IPMK: variants seen among roughly 807,000 people sequenced by gnomAD.
IPMK encodes inositol 1,3,4,6-tetrakisphosphate 5-kinase.
A neutral mutation model predicts 45.8 loss-of-function variants in IPMK; 17 were observed. The ratio of observed to expected loss-of-function variants is 0.37; its 90% confidence interval spans 0.25 to 0.56. IPMK has a LOEUF of 0.56. Among genes scored for constraint, IPMK ranks in the 20% least tolerant of loss-of-function variants. The pLI, the probability that IPMK is intolerant of heterozygous loss-of-function variation, is 0.79. For synonymous variants in IPMK, 180 were observed against 184.3 expected, an observed-to-expected ratio of 0.98 and a Z score of 0.19; for missense variants, 399 against 498.0, an observed-to-expected ratio of 0.80 and a Z score of 1.89.
chr10:58,260,109 G>A (rs926990855), intron 1 of IPMK, among the ~76,000 whole-genome samples: 2 of 152,090 alleles, frequency 1.3e-5, no homozygotes, highest in South Asian at 2.1e-4. Flanking sequence ...TATGTCTTAT[G>A]ATATGCTTTG....
intron 5 of IPMK, among the ~76,000 whole-genome samples, chr10:58,197,114 C>T (rs1837907470): frequency 6.6e-6 from 1 of 150,726 alleles, no homozygotes; most frequent in Non-Finnish European, 1.5e-5. Flanking sequence ...TCCTGGCTAA[C>T]ACAGTGAAAC....
At chr10:58,208,985 C>A (rs988475703) in intron 4 of IPMK, among the ~76,000 whole-genome samples, 1 of 152,116 alleles carries the variant, frequency 6.6e-6, no homozygotes, top group African/African-American at 2.4e-5. Context: ...ACCAAGTCAG[C>A]GGGAAAACTA....
intron 1 of IPMK, among the ~76,000 whole-genome samples, chr10:58,250,409 T>C (rs915348955): frequency 1.4e-5 from 2 of 138,678 alleles, no homozygotes; most frequent in African/African-American, 6.3e-5. Context: ...AATTTTTTCC[T>C]AGGGTTTTTG....
intron 1 of IPMK, among the ~76,000 whole-genome samples, chr10:58,242,301 C>A (rs1481894838): frequency 6.6e-6 from 1 of 151,596 alleles, no homozygotes; most frequent in Non-Finnish European, 1.5e-5. Flanking sequence ...ACTAAAAATA[C>A]ATAAAAAAAT....
At chr10:58,263,525 A>G (rs1462393719) in intron 1 of IPMK, among the ~76,000 whole-genome samples, 2 of 151,792 alleles carry the variant, frequency 1.3e-5, no homozygotes, top group Non-Finnish European at 2.9e-5. Flanking sequence ...CTCCGTTAAA[A>G]AAAAAAAAAA....
chr10:58,211,457 T>G (rs1588954550), intron 4 of IPMK, among the ~76,000 whole-genome samples: 1 of 152,030 alleles, frequency 6.6e-6, no homozygotes, highest in Admixed American at 6.6e-5. Flanking sequence ...CCTTGCAAAG[T>G]GCTGGGATTA....
chr10:58,263,284 C>T (rs1588975324), intron 1 of IPMK, among the ~76,000 whole-genome samples: 1 of 151,780 alleles, frequency 6.6e-6, no homozygotes, highest in South Asian at 2.1e-4. Context: ...AGCACTTTGG[C>T]AGGCAGAGGT....
chr10:58,218,353 T>C (rs1838280409), intron 3 of IPMK, among the ~76,000 whole-genome samples: 1 of 152,190 alleles, frequency 6.6e-6, no homozygotes, highest in African/African-American at 2.4e-5. Flanking sequence ...GTCTAAAAGA[T>C]AACCATGGAT....
At chr10:58,224,442 T>A (rs1167064764) in intron 3 of IPMK, among the ~76,000 whole-genome samples, 1 of 152,220 alleles carries the variant, frequency 6.6e-6, no homozygotes, top group Non-Finnish European at 1.5e-5. Context: ...TGTTATATTT[T>A]TAAAATTCCA....
At chr10:58,217,402 G>A (rs190404666) in intron 3 of IPMK, among the ~76,000 whole-genome samples, 2 of 151,592 alleles carry the variant, frequency 1.3e-5, no homozygotes, top group East Asian at 1.9e-4. Context: ...TTAAAGAACC[G>A]TCTCGGCCAG....
At chr10:58,210,153 C>A (rs1201710081) in intron 4 of IPMK, among the ~76,000 whole-genome samples, 4 of 152,048 alleles carry the variant, frequency 2.6e-5, no homozygotes, top group African/African-American at 9.7e-5. Context: ...GGATTATATT[C>A]CAGAGGAACG....
Position 58,199,261 on chromosome 10 carries a change from T to C in IPMK, c.607A>G (p.Thr203Ala), listed in dbSNP as rs201440706. ...TENQHYGRSL[T>A]KETIKDGVSR... The stretch of plus-strand genomic sequence containing the variant: ...TTACCATCCTTTATAGTTTCTTTTG[T>C]TAAGCTTCTTCCGTAATGCTGGTTT... The change falls in exon 5 of 6, where the codon ACA becomes GCA. Residue 203 changes from threonine to alanine, a missense_variant. By Grantham distance (58) the Thr-to-Ala change is moderately conservative. Coordinates refer to ENST00000373935, the MANE Select transcript of IPMK (RefSeq NM_152230.5). 1 of 1,607,272 alleles carries C rather than the reference T, an allele frequency of 6.2e-7. No individual in the cohort carries two copies. Among genetic ancestry groups the C allele is most frequent in the East Asian group, 2.2e-5 (1 of 44,736 alleles).
At chr10:58,248,659 T>C (rs1200098667) in intron 1 of IPMK, among the ~76,000 whole-genome samples, 2 of 152,214 alleles carry the variant, frequency 1.3e-5, no homozygotes, top group African/African-American at 2.4e-5. Flanking sequence ...TCTAAGTGTA[T>C]TTTTGCACCC....
At chr10:58,240,835 G>C (rs1013259253) in intron 1 of IPMK, among the ~76,000 whole-genome samples, 2 of 152,138 alleles carry the variant, frequency 1.3e-5, no homozygotes, top group Admixed American at 6.5e-5. Flanking sequence ...AACACTTGCA[G>C]CATTTTCTTC....
At chr10:58,211,919 A>AAAAAAAAAAAAT (rs967150743) in intron 4 of IPMK, among the ~76,000 whole-genome samples, 27 of 148,276 alleles carry the variant, frequency 1.8e-4, no homozygotes, top group African/African-American at 6.5e-4. Context: ...AAAAAAAAAA[A>AAAAAAAAAAAAT]AAAAAATTTG....
intron 1 of IPMK, among the ~76,000 whole-genome samples, chr10:58,250,227 T>C (rs1838862109): frequency 6.6e-6 from 1 of 152,218 alleles, no homozygotes; most frequent in African/African-American, 2.4e-5. Context: ...TGAATGTCTT[T>C]GGTGATTTGA....
At position 58,264,211 on chromosome 10, in the gene IPMK, C is replaced by G. The variant is rs539972097; in HGVS notation, c.190+3211G>C. Among the ~76,000 whole-genome samples the G allele has an allele frequency of 3.3e-5, 5 of 152,308 alleles. No individual in the cohort carries two copies. The East Asian group carries it at 9.6e-4, about 29-fold the overall frequency. On this transcript the variant is annotated intron_variant, in intron 1 of 5. Transcript: ENST00000373935. ...AAAGTGGCATAATGTATGCAACCTACTTGCAAATAGTTAAGAAAAATTATT... is the reference window on the plus strand; with the variant it reads ...AAAGTGGCATAATGTATGCAACCTAGTTGCAAATAGTTAAGAAAAATTATT...
intron 1 of IPMK, among the ~76,000 whole-genome samples, chr10:58,265,989 T>C (rs1386238558): frequency 2.0e-5 from 3 of 152,310 alleles, no homozygotes; most frequent in African/African-American, 7.2e-5. Context: ...AAAATCACAA[T>C]GTATTAATAT....
chr10:58,199,413 C>A, intron 4 of IPMK, 92 bp from the exon 5 acceptor site: 2 of 687,246 alleles, frequency 2.9e-6, no homozygotes, highest in South Asian at 2.6e-5. Context: ...ATGAAATCTA[C>A]TCAGGTAATT....
Sources: gnomAD v4.1 joint callset for allele counts (sites outside exome capture counted in the v4.1 genomes callset) on GRCh38, gnomAD v4.1.1 for gene constraint, MANE v1.5 for transcripts, NCBI Gene and HGNC (gene_info 2026-07-23, HGNC 2026-07-21) for gene names.